Variants in TOPAZ1 observed in about 807,000 individuals in gnomAD.
The protein encoded by TOPAZ1 is protein TOPAZ1.
In TOPAZ1, 66 loss-of-function variants were observed where a neutral mutation model predicts 172.2. That is an observed-to-expected ratio of 0.38 (90% CI 0.31 to 0.47). The LOEUF is 0.47. TOPAZ1 is among the 20% of genes least tolerant of loss of function. The pLI is 0.99. For synonymous variants in TOPAZ1, 681 were observed against 683.9 expected (o/e 1.00, Z 0.07); for missense variants, 1,822 against 1,972.4 (o/e 0.92, Z 1.44).
chr3:44,324,979 C>T (rs1267604237), intron 18 of TOPAZ1, among the ~76,000 whole-genome samples: 1 of 152,124 alleles, frequency 6.6e-6, no homozygotes, highest in Non-Finnish European at 1.5e-5. Context: ...ACTTCTGAGA[C>T]TTATGCAAGT....
At chr3:44,276,965 G>A (rs1699968105) in intron 8 of TOPAZ1, among the ~76,000 whole-genome samples, 1 of 151,746 alleles carries the variant, frequency 6.6e-6, no homozygotes, top group Non-Finnish European at 1.5e-5. Context: ...TAATTTTTTT[G>A]TATTTTTAGT....
chr3:44,284,536 T>C (rs1700057801), intron 9 of TOPAZ1, among the ~76,000 whole-genome samples: 1 of 152,210 alleles, frequency 6.6e-6, no homozygotes, highest in African/African-American at 2.4e-5. Flanking sequence ...GACGCTTGGG[T>C]TGTTTTCTCC....
intron 2 of TOPAZ1, 57 bp downstream of exon 2, chr3:44,245,328 C>G: frequency 2.8e-6 from 4 of 1,447,852 alleles, no homozygotes; most frequent in Non-Finnish European, 3.6e-6. Context: ...GAAAAGCAGT[C>G]TCTTAAGTTT....
In TOPAZ1 at chr3:44,262,425, T is replaced by G; in HGVS notation, c.2962T>G (p.Phe988Val). The change falls in exon 5 of 20, where the codon TTT (phenylalanine) becomes GTT (valine). Residue 988 changes from phenylalanine to valine, a missense_variant. By Grantham distance (50) the Phe-to-Val change is conservative. Around this residue, in one of 2 missense-constraint regions of TOPAZ1, gnomAD observed 1,489 missense variants for 1,490.8 expected, o/e 1.00. Transcript: ENST00000309765. Reference sequence around the variant, plus strand: ...AACCATAATCTCTTCACAGCATAGATTTACAGACAAAGTGATTACCAAAGA... The same window carrying G: ...AACCATAATCTCTTCACAGCATAGAGTTACAGACAAAGTGATTACCAAAGA... ...KGSDLDEKHR[F>V]TDKVITKEEK... The G allele has an allele frequency of 6.7e-7, 1 of 1,482,940 alleles. No homozygotes were observed. Among genetic ancestry groups the G allele is most frequent in the Non-Finnish European group, 9.2e-7 (1 of 1,089,378 alleles). 91.9% of individuals were successfully genotyped at this position (1,482,940 alleles called of 1,614,324 possible).
chr3:44,256,096 T>G lies in TOPAZ1; in HGVS notation c.2828-55T>G, dbSNP rs577094453. 34 of 1,348,016 alleles carry G rather than the reference T, an allele frequency of 2.5e-5. No individual in the cohort carries two copies. The South Asian group carries it at 4.9e-4, about 20-fold the overall frequency. The allele number at this position is 1,348,016 out of a possible 1,614,324, so 83.5% of individuals were successfully genotyped here. Reference sequence around the variant, plus strand: ...GTCATTTTTTAGAACAGCCTTTGAATAACTCAGTTATTTTGTCTTTAAAGT... The same window carrying G: ...GTCATTTTTTAGAACAGCCTTTGAAGAACTCAGTTATTTTGTCTTTAAAGT... On this transcript the variant is annotated intron_variant, in intron 3 of 19. Coordinates refer to ENST00000309765, the MANE Select transcript of TOPAZ1 (RefSeq NM_001145030.2).
chr3:44,252,277 T>C (rs1699642895), intron 2 of TOPAZ1, among the ~76,000 whole-genome samples: 1 of 152,214 alleles, frequency 6.6e-6, no homozygotes, highest in South Asian at 2.1e-4. Context: ...CCTCAATATC[T>C]CTCATGGCTG....
At chr3:44,291,098 C>G (rs1049457158) in intron 12 of TOPAZ1, among the ~76,000 whole-genome samples, 1 of 152,066 alleles carries the variant, frequency 6.6e-6, no homozygotes. Flanking sequence ...TTCATTTCCT[C>G]TCAATGTCCT....
intron 14 of TOPAZ1, among the ~76,000 whole-genome samples, 158 bp from the exon 15 acceptor site, chr3:44,306,168 C>T (rs11929217): frequency 0.18 from 27,509 of 152,136 alleles, 2,733 homozygotes; most frequent in Middle Eastern, 0.3. Context: ...GCTTTGAAAA[C>T]AGGAAAACCA....
At chr3:44,262,763 A>G (rs1257878086) in intron 5 of TOPAZ1, among the ~76,000 whole-genome samples, 1 of 152,228 alleles carries the variant, frequency 6.6e-6, no homozygotes, top group Non-Finnish European at 1.5e-5. Context: ...GACTTTTATG[A>G]AGATATGAGT....
At chr3:44,275,481 T>C (rs1476080118) in intron 8 of TOPAZ1, among the ~76,000 whole-genome samples, 1 of 152,106 alleles carries the variant, frequency 6.6e-6, no homozygotes, top group African/African-American at 2.4e-5. Flanking sequence ...TTGTTACCAC[T>C]TAACATACTG....
intron 6 of TOPAZ1, among the ~76,000 whole-genome samples, chr3:44,268,483 C>T (rs908213074): frequency 2.0e-5 from 3 of 149,730 alleles, no homozygotes; most frequent in African/African-American, 7.4e-5. Context: ...AAGTGATTCT[C>T]CTGCCTCAGC....
chr3:44,313,043 A>T (rs1242784636), intron 16 of TOPAZ1, among the ~76,000 whole-genome samples: 1 of 152,120 alleles, frequency 6.6e-6, no homozygotes, highest in African/African-American at 2.4e-5. Context: ...CTACAGCATC[A>T]CTTACTAGGC....
intron 16 of TOPAZ1, among the ~76,000 whole-genome samples, chr3:44,319,538 T>A (rs1700487116): frequency 6.6e-6 from 1 of 152,232 alleles, no homozygotes; most frequent in South Asian, 2.1e-4. Flanking sequence ...TTATAAGGAA[T>A]GGTGAACGAA....
At chr3:44,274,406 A>AAAAAG (rs141902868) in intron 8 of TOPAZ1, among the ~76,000 whole-genome samples, 134 of 149,562 alleles carry the variant, frequency 9.0e-4, no homozygotes, top group East Asian at 7.3e-3. Flanking sequence ...CTCTCAAAAA[A>AAAAAG]AAAAGAAAAG....
chr3:44,268,128 G>T (rs6768749), intron 6 of TOPAZ1, among the ~76,000 whole-genome samples: 70,052 of 151,914 alleles, frequency 0.46, 17,383 homozygotes, highest in East Asian at 0.81. Flanking sequence ...TAAGGGATAT[G>T]ATGCCTGGTG....
intron 4 of TOPAZ1, among the ~76,000 whole-genome samples, chr3:44,260,463 G>A (rs1192473595): frequency 6.6e-6 from 1 of 151,932 alleles, no homozygotes; most frequent in Admixed American, 6.6e-5. Flanking sequence ...GTCACATTTA[G>A]AGAAACCCTT....
intron 12 of TOPAZ1, among the ~76,000 whole-genome samples, chr3:44,297,712 A>T (rs1055707759): frequency 3.3e-5 from 5 of 151,434 alleles, no homozygotes; most frequent in Admixed American, 6.6e-5. Context: ...TTTGCAGATG[A>T]CATTTTCTGC....
At chr3:44,324,293 G>T (rs186440664) in intron 18 of TOPAZ1, among the ~76,000 whole-genome samples, 1 of 152,086 alleles carries the variant, frequency 6.6e-6, no homozygotes, top group Non-Finnish European at 1.5e-5. Context: ...TCTTAAAAAG[G>T]GTGATCAGAA....
At chr3:44,334,135 A>G (rs748510671), downstream of TOPAZ1, among the ~76,000 whole-genome samples, 23 of 152,212 alleles carry the variant, frequency 1.5e-4, no homozygotes, top group Middle Eastern at 3.2e-3. Flanking sequence ...CCAGGTTTTT[A>G]TAATGGGGAA....
Sources: gnomAD v4.1 joint callset for allele counts (sites outside exome capture counted in the v4.1 genomes callset) on GRCh38, gnomAD v4.1.1 for gene constraint, gnomAD v4.1.1 regional missense constraint, MANE v1.5 for transcripts, NCBI Gene and HGNC (gene_info 2026-07-23, HGNC 2026-07-21) for gene names.